The following ARID5B variants were observed in gnomAD, a reference collection of about 807,000 sequenced individuals.
ARID5B encodes AT-rich interactive domain-containing protein 5B.
ARID5B carries 13 observed loss-of-function variants against 97.2 expected under a neutral mutation model. That is an observed-to-expected ratio of 0.13 (90% CI 0.09 to 0.21). The LOEUF (loss-of-function observed/expected upper bound fraction) is 0.21, where lower values mean the gene tolerates loss of function less well. ARID5B is among the 10% of genes least tolerant of loss of function. The pLI is 1.00. For missense variants in ARID5B, 1,210 were observed against 1,465.3 expected (o/e 0.83, Z 2.84); for synonymous variants, 556 against 570.3 (o/e 0.97, Z 0.36).
At chr10:61,948,000 G>A (rs1838264074) in intron 3 of ARID5B, among the ~76,000 whole-genome samples, 2 of 152,108 alleles carry the variant, frequency 1.3e-5, no homozygotes, top group African/African-American at 4.8e-5. Context: ...TTCTGATGAC[G>A]GACTGAAGAT....
At chr10:62,011,893 G>C (rs549465724) in intron 4 of ARID5B, among the ~76,000 whole-genome samples, 1 of 152,136 alleles carries the variant, frequency 6.6e-6, no homozygotes, top group South Asian at 2.1e-4. Flanking sequence ...AGTGCTGAAG[G>C]GCACGGCATC....
intron 3 of ARID5B, among the ~76,000 whole-genome samples, chr10:61,981,370 C>T (rs537233876): frequency 2.0e-5 from 3 of 152,272 alleles, no homozygotes; most frequent in East Asian, 1.9e-4. Context: ...CAATCTCTGC[C>T]TCCCGGGTTC....
chr10:61,915,355 G>A (rs1207277455), intron 2 of ARID5B, among the ~76,000 whole-genome samples: 1 of 152,180 alleles, frequency 6.6e-6, no homozygotes, highest in African/African-American at 2.4e-5. Flanking sequence ...TGTGGTCAAG[G>A]GGATGAAGGG....
chr10:62,065,165 G>C (rs1268440593), intron 7 of ARID5B, among the ~76,000 whole-genome samples: 1 of 152,146 alleles, frequency 6.6e-6, no homozygotes, highest in Non-Finnish European at 1.5e-5. Context: ...AGTCTCTTGG[G>C]TCTTACCTAC....
intron 4 of ARID5B, among the ~76,000 whole-genome samples, chr10:62,021,787 C>T (rs916315323): frequency 5.3e-5 from 8 of 152,184 alleles, no homozygotes; most frequent in African/African-American, 1.9e-4. Flanking sequence ...AGAGTACAAC[C>T]ACTGTGGTGT....
In ARID5B at chr10:62,030,543, C is replaced by T. The variant is rs370472752; in HGVS notation, c.734-20345C>T. Among the ~76,000 whole-genome samples, 10 of 152,300 alleles carry T rather than the reference C, an allele frequency of 6.6e-5. 1 individual carries two copies. In the East Asian group the frequency reaches 1.5e-3, roughly 23 times the overall value. On this transcript the variant is annotated intron_variant, in intron 4 of 9. Transcript: ENST00000279873. ...ATTTGTCATAAGACAGGGCTGCTTA[C>T]ATGGATGAGTGGGGGGCTGAAGATG... is the stretch of plus-strand genomic sequence containing the variant.
At chr10:61,913,723 T>G (rs2132761447) in intron 2 of ARID5B, among the ~76,000 whole-genome samples, 1 of 152,250 alleles carries the variant, frequency 6.6e-6, no homozygotes, top group African/African-American at 2.4e-5. Context: ...AGTATGGACT[T>G]TACTGGAATG....
At chr10:61,962,897 G>T (rs1310690803) in intron 3 of ARID5B, among the ~76,000 whole-genome samples, 1 of 152,214 alleles carries the variant, frequency 6.6e-6, no homozygotes, top group African/African-American at 2.4e-5. Context: ...AGGGGATTTG[G>T]TGATATCATA....
intron 3 of ARID5B, among the ~76,000 whole-genome samples, chr10:61,963,665 T>C (rs1050731658): frequency 6.6e-6 from 1 of 151,906 alleles, no homozygotes; most frequent in Non-Finnish European, 1.5e-5. Flanking sequence ...GAAAGCTCCA[T>C]GGAAAATGAT....
chr10:62,013,803 T>TAA (rs1839249530), intron 4 of ARID5B, among the ~76,000 whole-genome samples: 1 of 149,662 alleles, frequency 6.7e-6, no homozygotes, highest in Admixed American at 6.8e-5. Flanking sequence ...GGTATATATA[T>TAA]ATATATATAT....
intron 3 of ARID5B, among the ~76,000 whole-genome samples, chr10:61,988,265 C>T (rs1838873588): frequency 6.6e-6 from 1 of 152,080 alleles, no homozygotes; most frequent in South Asian, 2.1e-4. Flanking sequence ...AATGTGCACA[C>T]TAGAAAAAGA....
At chr10:61,902,514 G>A in intron 2 of ARID5B, 101 bp downstream of exon 2, 1 of 1,480,056 alleles carries the variant, frequency 6.8e-7, no homozygotes, top group Non-Finnish European at 9.1e-7. Context: ...ACTTCTGCAG[G>A]CAAGCAGGAT....
chr10:61,943,773 G>A (rs1005052112), intron 3 of ARID5B, among the ~76,000 whole-genome samples: 1 of 150,524 alleles, frequency 6.6e-6, no homozygotes, highest in African/African-American at 2.4e-5. Flanking sequence ...TCTCACAAAT[G>A]TGTGTCTGCC....
At chr10:62,080,936 C>T (rs1156995544) in intron 8 of ARID5B, among the ~76,000 whole-genome samples, 1 of 151,980 alleles carries the variant, frequency 6.6e-6, no homozygotes, top group Non-Finnish European at 1.5e-5. Flanking sequence ...AATTCTCCTG[C>T]CTCAGTTTCC....
At chr10:62,063,223 T>C (rs117282781) in intron 7 of ARID5B, among the ~76,000 whole-genome samples, 2,551 of 152,302 alleles carry the variant, frequency 0.017, 27 homozygotes, top group Non-Finnish European at 0.025. Context: ...TTTATCTGAC[T>C]CTTGAGAACA....
chr10:62,031,647 C>A lies in ARID5B; in HGVS notation c.734-19241C>A, dbSNP rs555197771. 3.9e-5 allele frequency among the ~76,000 whole-genome samples: 6 copies of A among 152,262 alleles called. No homozygotes were observed. The South Asian group carries it at 1.2e-3, about 32-fold the overall frequency. On this transcript the variant is annotated intron_variant, in intron 4 of 9. Coordinates refer to ENST00000279873, the MANE Select transcript of ARID5B (RefSeq NM_032199.3). ...GATCTTTCAGATGAGAAGTCACAAG[C>A]TCAGGTGCCCAGAGTTGTCAGCAAA... is the stretch of plus-strand genomic sequence containing the variant.
At chr10:62,009,295 CAGA>C (rs1589256373) in intron 4 of ARID5B, among the ~76,000 whole-genome samples, 2 of 152,170 alleles carry the variant, frequency 1.3e-5, no homozygotes, top group Non-Finnish European at 2.9e-5. Flanking sequence ...CTGTGTTCAG[CAGA>C]AGAAGATTGG....
intron 3 of ARID5B, among the ~76,000 whole-genome samples, chr10:61,971,727 A>G (rs1838630427): frequency 6.6e-6 from 1 of 152,112 alleles, no homozygotes; most frequent in Non-Finnish European, 1.5e-5. Flanking sequence ...TAAATTTTTA[A>G]ATGTTTTGTG....
chr10:61,953,987 T>C (rs995197201), intron 3 of ARID5B, among the ~76,000 whole-genome samples: 4 of 152,234 alleles, frequency 2.6e-5, no homozygotes, highest in East Asian at 1.9e-4. Context: ...TTATAAGACA[T>C]TGAAATTGAT....
Sources: gnomAD v4.1 joint callset for allele counts (sites outside exome capture counted in the v4.1 genomes callset) on GRCh38, gnomAD v4.1.1 for gene constraint, MANE v1.5 for transcripts, NCBI Gene and HGNC (gene_info 2026-07-23, HGNC 2026-07-21) for gene names.